The following EPHA3 variants were observed in gnomAD, a reference collection of about 807,000 sequenced individuals.
EPHA3 encodes the protein ephrin type-A receptor 3.
EPHA3 carries 42 observed loss-of-function variants against 107.1 expected under a neutral mutation model. That is an observed-to-expected ratio of 0.39 (90% CI 0.31 to 0.51). The LOEUF is 0.51. EPHA3 is among the 20% of genes least tolerant of loss of function. The probability of loss-of-function intolerance (pLI) is 0.78; values close to 1 mark genes in which losing one functional copy is unlikely to be tolerated. For synonymous variants in EPHA3, 461 were observed against 424.8 expected (o/e 1.09, Z -1.05); for missense variants, 1,183 against 1,211.2 (o/e 0.98, Z 0.35).
At chr3:89,351,279 C>T (rs1202778938) in intron 5 of EPHA3, among the ~76,000 whole-genome samples, 5 of 151,272 alleles carry the variant, frequency 3.3e-5, no homozygotes, top group Non-Finnish European at 5.9e-5. Flanking sequence ...ATTCCGTGGG[C>T]GTAGGACCCT....
At chr3:89,175,811 C>A (rs1157757372) in intron 2 of EPHA3, among the ~76,000 whole-genome samples, 1 of 151,990 alleles carries the variant, frequency 6.6e-6, no homozygotes, top group Non-Finnish European at 1.5e-5. Flanking sequence ...TTCTGGTACC[C>A]TTAGCATTGA....
chr3:89,350,952 C>G (rs2107441312), intron 5 of EPHA3, among the ~76,000 whole-genome samples: 1 of 151,550 alleles, frequency 6.6e-6, no homozygotes, highest in Non-Finnish European at 1.5e-5. Flanking sequence ...CAGGGACCCA[C>G]TTGAGGAGGC....
chr3:89,283,106 T>A (rs1465576028), intron 3 of EPHA3, among the ~76,000 whole-genome samples: 1 of 152,146 alleles, frequency 6.6e-6, no homozygotes, highest in East Asian at 1.9e-4. Context: ...TTAAGGAGTT[T>A]GCTTTTAGGT....
intron 13 of EPHA3, among the ~76,000 whole-genome samples, chr3:89,438,193 C>G (rs1414488227): frequency 5.9e-5 from 9 of 151,984 alleles, no homozygotes; most frequent in Non-Finnish European, 1.3e-4. Context: ...ACTGCAAGCT[C>G]TGCCTCCCGG....
intron 2 of EPHA3, among the ~76,000 whole-genome samples, chr3:89,161,534 G>C (rs774401254): frequency 1.3e-5 from 2 of 151,938 alleles, no homozygotes; most frequent in Non-Finnish European, 2.9e-5. Context: ...TTTTATGTTT[G>C]CATAGTATTA....
chr3:89,281,214 C>T (rs1462600834), intron 3 of EPHA3, among the ~76,000 whole-genome samples: 4 of 151,980 alleles, frequency 2.6e-5, no homozygotes, highest in African/African-American at 9.7e-5. Context: ...TTAGTAGAGA[C>T]GGGTTTCACT....
chr3:89,335,298 G>C (rs1452348716), intron 3 of EPHA3, among the ~76,000 whole-genome samples: 2 of 152,136 alleles, frequency 1.3e-5, no homozygotes, highest in Non-Finnish European at 2.9e-5. Flanking sequence ...TCAGATGATA[G>C]AAGGGACAAG....
intron 2 of EPHA3, among the ~76,000 whole-genome samples, chr3:89,140,748 C>T (rs192996206): frequency 3.8e-4 from 58 of 151,654 alleles, no homozygotes; most frequent in African/African-American, 1.2e-3. Context: ...AGGTAATATT[C>T]GTTTCTAGAA....
chr3:89,107,871 C>T (rs2106933027), intron 1 of EPHA3, 35 bp downstream of exon 1: 1 of 1,593,996 alleles, frequency 6.3e-7, no homozygotes, highest in East Asian at 2.2e-5. Context: ...GAGCTCTGCC[C>T]CGCGGGGCTC....
chr3:89,399,235 A>G, intron 6 of EPHA3, 83 bp from the exon 7 acceptor site: 1 of 1,183,428 alleles, frequency 8.5e-7, no homozygotes, highest in Non-Finnish European at 1.2e-6. Flanking sequence ...TAAAAGAATC[A>G]GGTTTGAGTG....
At chr3:89,404,481 C>G (rs1709019210) in intron 7 of EPHA3, among the ~76,000 whole-genome samples, 2 of 152,110 alleles carry the variant, frequency 1.3e-5, no homozygotes, top group East Asian at 1.9e-4. Context: ...AAAGCCAGCA[C>G]TCTGTGTAGG....
At chr3:89,318,286 TC>T (rs1706957863) in intron 3 of EPHA3, among the ~76,000 whole-genome samples, 1 of 151,934 alleles carries the variant, frequency 6.6e-6, no homozygotes, top group Non-Finnish European at 1.5e-5. Context: ...AAACTTACTG[TC>T]TTTTTCCTGA....
intron 3 of EPHA3, among the ~76,000 whole-genome samples, chr3:89,216,052 G>C (rs966369355): frequency 6.6e-6 from 1 of 151,898 alleles, no homozygotes; most frequent in Non-Finnish European, 1.5e-5. Context: ...GACTGGTCTA[G>C]TGTTTCAAAT....
intron 3 of EPHA3, among the ~76,000 whole-genome samples, chr3:89,219,693 T>TTTTTTTG (rs1559606298): frequency 4.2e-4 from 5 of 11,828 alleles, no homozygotes; most frequent in East Asian, 1.7e-3. Context: ...GCAATGTTTT[T>TTTTTTTG]TTTTTTTTTG....
intron 3 of EPHA3, among the ~76,000 whole-genome samples, chr3:89,219,686 A>AT (rs1704304456): frequency 1.0e-4 from 4 of 38,812 alleles, no homozygotes; most frequent in African/African-American, 1.8e-4. Flanking sequence ...GCATTTGGCA[A>AT]TGTTTTTTTT....
chr3:89,168,962 T>A (rs7646011), intron 2 of EPHA3, among the ~76,000 whole-genome samples: 80,509 of 150,686 alleles, frequency 0.53, 22,296 homozygotes, highest in Admixed American at 0.64. Context: ...ATAAAGCTCC[T>A]CTTTTAATTA....
intron 5 of EPHA3, among the ~76,000 whole-genome samples, chr3:89,367,328 C>T (rs1291098330): frequency 6.6e-6 from 1 of 150,544 alleles, no homozygotes; most frequent in Non-Finnish European, 1.5e-5. Context: ...GTTCTTGAGT[C>T]ACTTCCTGCA....
chr3:89,341,840 A>T lies in EPHA3; in HGVS notation c.1056A>T (p.Gly352=), dbSNP rs2107419629. 6.2e-7 allele frequency: 1 copy of T among 1,613,816 alleles called. No individual in the cohort carries two copies. The highest frequency in any genetic ancestry group is 8.5e-7 in the Non-Finnish European group (1 of 1,179,898). Residue 352 remains glycine (G), a synonymous_variant, in exon 5 of 17, where the codon GGA becomes GGT. Coordinates refer to ENST00000336596, the MANE Select transcript of EPHA3 (RefSeq NM_005233.6). ...ILDWSWPLDT[G]GRKDVTFNII... ...ACTGGAGTTGGCCCCTGGACACAGG[A>T]GGCCGGAAAGATGTTACCTTCAACA...
chr3:89,156,754 A>T (rs1704816448), intron 2 of EPHA3, among the ~76,000 whole-genome samples: 1 of 152,068 alleles, frequency 6.6e-6, no homozygotes, highest in South Asian at 2.1e-4. Context: ...CAGAGCAGGA[A>T]CATTTTATTT....
Sources: gnomAD v4.1 joint callset for allele counts (sites outside exome capture counted in the v4.1 genomes callset) on GRCh38, gnomAD v4.1.1 for gene constraint, MANE v1.5 for transcripts, NCBI Gene and HGNC (gene_info 2026-07-23, HGNC 2026-07-21) for gene names.